Variants in BBOF1 observed in about 807,000 individuals in gnomAD.
BBOF1 encodes basal body-orientation factor 1.
A neutral mutation model predicts 68.0 loss-of-function variants in BBOF1; 62 were observed. The ratio of observed to expected loss-of-function variants is 0.91; its 90% CI spans 0.74 to 1.13. BBOF1 has a LOEUF of 1.13. BBOF1 is among the 50% of genes most tolerant of loss of function. The pLI, the probability that BBOF1 is intolerant of heterozygous loss-of-function variation, is 0.00. For synonymous variants in BBOF1, 208 were observed against 198.8 expected (o/e 1.05, Z -0.39); for missense variants, 534 against 600.1 (o/e 0.89, Z 1.15).
intron 11 of BBOF1, 105 bp from the exon 12 acceptor site, chr14:74,064,583 A>G: frequency 9.2e-7 from 1 of 1,083,590 alleles, no homozygotes. Flanking sequence ...GGCATATACA[A>G]AGGCTTAGAC....
downstream of BBOF1, among the ~76,000 whole-genome samples, chr14:74,068,061 A>G (rs2060497473): frequency 6.6e-6 from 1 of 151,532 alleles, no homozygotes; most frequent in South Asian, 2.1e-4. Flanking sequence ...GCTGAAAGGC[A>G]AAACAGAAAG....
chr14:74,042,879 G>GACACACACAC (rs71460947), intron 5 of BBOF1, among the ~76,000 whole-genome samples: 34 of 143,772 alleles, frequency 2.4e-4, no homozygotes, highest in Admixed American at 7.1e-4. Flanking sequence ...CACACACACA[G>GACACACACAC]ACACACACAC....
intron 12 of BBOF1, among the ~76,000 whole-genome samples, chr14:74,082,376 T>C (rs1342399683): frequency 6.7e-6 from 1 of 148,572 alleles, no homozygotes; most frequent in South Asian, 2.1e-4. Flanking sequence ...CTAATATTCA[T>C]GGCTGCCAAA....
chr14:74,041,433 G>A lies in BBOF1; in HGVS notation c.576+788G>A, dbSNP rs573145879. On this transcript the variant is annotated intron_variant, in intron 5 of 11. Coordinates refer to ENST00000394009, the MANE Select transcript of BBOF1 (RefSeq NM_025057.3). Reference sequence around the variant, plus strand: ...TACAGAATCCTTTCAGAGGCCTCATGGTTGTTCTTTATTTTAATCCTTTCT... The same window carrying A: ...TACAGAATCCTTTCAGAGGCCTCATAGTTGTTCTTTATTTTAATCCTTTCT... Among the ~76,000 whole-genome samples, 14 of 152,272 alleles carry A rather than the reference G, an allele frequency of 9.2e-5. No individual in the cohort carries two copies. The East Asian group carries it at 2.5e-3, about 27-fold the overall frequency.
intron 9 of BBOF1, among the ~76,000 whole-genome samples, chr14:74,072,788 CTG>C (rs1221006952): frequency 1.3e-5 from 2 of 151,974 alleles, no homozygotes; most frequent in East Asian, 1.9e-4. Flanking sequence ...CCTATCTATT[CTG>C]TGTGTGTGTG....
intron 4 of BBOF1, 67 bp downstream of exon 4, chr14:74,034,238 C>A: frequency 9.2e-7 from 1 of 1,084,134 alleles, no homozygotes; most frequent in Non-Finnish European, 1.3e-6. Flanking sequence ...CAGAAGCCTT[C>A]ACAAACATTT....
chr14:74,040,399 G>A (rs1374405500), intron 4 of BBOF1, among the ~76,000 whole-genome samples, 166 bp from the exon 5 acceptor site: 1 of 152,172 alleles, frequency 6.6e-6, no homozygotes, highest in Non-Finnish European at 1.5e-5. Flanking sequence ...GAAGATTGAG[G>A]GAAATTTGGT....
chr14:74,066,173 G>A (rs1021166668), downstream of BBOF1: 2 of 164,536 alleles, frequency 1.2e-5, no homozygotes, highest in Non-Finnish European at 2.7e-5. Context: ...TAGGCAGCAA[G>A]AGGGAGAGGG....
intron 9 of BBOF1, chr14:74,071,680 C>T (rs1329468386): frequency 1.3e-6 from 2 of 1,506,736 alleles, no homozygotes; most frequent in Non-Finnish European, 8.9e-7. Flanking sequence ...AAAAATACAG[C>T]GATATGTATA....
At chr14:74,035,584 ATTTTTTTTT>A (rs71460945) in intron 4 of BBOF1, among the ~76,000 whole-genome samples, 3 of 81,392 alleles carry the variant, frequency 3.7e-5, no homozygotes, top group Non-Finnish European at 6.4e-5. Flanking sequence ...CCCCCAGCTA[ATTTTTTTTT>A]TTTTTTTTTT....
At chr14:74,054,237 C>A (rs999233514) in intron 8 of BBOF1, among the ~76,000 whole-genome samples, 3 of 151,926 alleles carry the variant, frequency 2.0e-5, no homozygotes, top group African/African-American at 4.8e-5. Flanking sequence ...GTCTTGATCT[C>A]CTGACCTCAT....
At chr14:74,061,981 A>G (rs1003385759) in intron 11 of BBOF1, among the ~76,000 whole-genome samples, 2 of 139,438 alleles carry the variant, frequency 1.4e-5, no homozygotes, top group African/African-American at 5.3e-5. Flanking sequence ...AGGCTGAGGT[A>G]GGCGGATCAC....
chr14:74,022,586 G>T (rs1213729927), intron 1 of BBOF1, among the ~76,000 whole-genome samples: 1 of 152,142 alleles, frequency 6.6e-6, no homozygotes, highest in African/African-American at 2.4e-5. Context: ...TCTGAAATGA[G>T]TTTGGCTTAT....
downstream of BBOF1, among the ~76,000 whole-genome samples, chr14:74,070,444 G>T (rs545124075): frequency 1.3e-5 from 2 of 152,028 alleles, no homozygotes; most frequent in Non-Finnish European, 2.9e-5. Context: ...GCTTGAACCT[G>T]GGAGGCAGCG....
chr14:74,022,914 A>G lies in BBOF1; in HGVS notation c.57-2A>G, dbSNP rs1260116637. On this transcript the variant is annotated splice_acceptor_variant, in intron 1 of 11. Coordinates refer to ENST00000394009, the MANE Select transcript of BBOF1 (RefSeq NM_025057.3). LOFTEE classifies it high-confidence loss of function. ...TACTGTCAATATCCTCTTCCCATGC[A>G]GGAAGTTAATAAAAACAGATGAATC... 6 of 1,577,376 alleles carry G rather than the reference A, an allele frequency of 3.8e-6. No homozygotes were observed. Among genetic ancestry groups the G allele is most frequent in the Non-Finnish European group, 5.2e-6 (6 of 1,150,626 alleles).
At chr14:74,059,458 G>C (rs2060290604) in intron 11 of BBOF1, 1 of 449,318 alleles carries the variant, frequency 2.2e-6, no homozygotes, top group Non-Finnish European at 4.5e-6. Flanking sequence ...CACTTTGGGA[G>C]GCCGAGGCAG....
downstream of BBOF1, among the ~76,000 whole-genome samples, chr14:74,068,048 C>T (rs1406450893): frequency 1.4e-5 from 2 of 147,948 alleles, no homozygotes; most frequent in Admixed American, 6.7e-5. Context: ...ATGCCAGTAA[C>T]CAGCTGAAAG....
At chr14:74,069,096 T>TTTTTA, downstream of BBOF1, 3 of 984,520 alleles carry the variant, frequency 3.0e-6, no homozygotes, top group Non-Finnish European at 4.3e-6. Context: ...TTTCTTTTAC[T>TTTTTA]TTTTCTTTTT....
intron 9 of BBOF1, chr14:74,071,971 C>A: frequency 6.2e-7 from 1 of 1,613,904 alleles, no homozygotes; most frequent in Non-Finnish European, 8.5e-7. Context: ...TTGGCAATTT[C>A]TTTCTAGAGA....
Sources: allele counts gnomAD v4.1 joint callset (sites outside exome capture counted in the v4.1 genomes callset), GRCh38; gene constraint gnomAD v4.1.1; transcripts MANE v1.5; gene names NCBI Gene and HGNC (gene_info 2026-07-23, HGNC 2026-07-21).